Variants in ERCC2 observed in about 807,000 individuals in gnomAD.
ERCC2 encodes the protein general transcription and DNA repair factor IIH helicase subunit XPD.
A neutral mutation model predicts 99.4 loss-of-function variants in ERCC2; 90 were observed. That is an observed-to-expected ratio of 0.91 (90% CI 0.76 to 1.08). The LOEUF is 1.08. Among genes scored for constraint, ERCC2 ranks in the 50% least tolerant of loss-of-function variants. The probability of loss-of-function intolerance (pLI) is 0.00; values close to 1 mark genes in which losing one functional copy is unlikely to be tolerated. For missense variants in ERCC2, 993 were observed against 1,038.1 expected (o/e 0.96, Z 0.60); for synonymous variants, 497 against 432.4 (o/e 1.15, Z -1.85).
At position 45,351,709 on chromosome 19, in the gene ERCC2, C is replaced by T; in HGVS notation, c.2203G>A (p.Gly735Ser). 1.2e-6 allele frequency: 2 copies of T among 1,613,794 alleles called. No homozygotes were observed. Among genetic ancestry groups the T allele is most frequent in the Non-Finnish European group, 1.7e-6 (2 of 1,179,962 alleles). The change falls in exon 23 of 23, where the codon GGC becomes AGC. Residue 735 changes from glycine to serine, a missense_variant. Around this residue, in one of 3 missense-constraint regions of ERCC2, gnomAD observed 909 missense variants for 930.8 expected, o/e 0.98. Coordinates refer to ENST00000391945, the MANE Select transcript of ERCC2 (RefSeq NM_000400.4). ...AQPFHREDQL[G>S]LSLLSLEQLE... ...TGCTCCAGGCTGAGCAGGGACAGGC[C>T]CAGCTGATCCTCCTGCAGAGAACAG...
In ERCC2 at chr19:45,369,163, C is replaced by A. The variant is rs1423669512; in HGVS notation, c.106-16G>T. 8 of 1,611,272 alleles carry A rather than the reference C, an allele frequency of 5.0e-6. No homozygotes were observed. The highest frequency in any genetic ancestry group is 1.3e-5 in the African/African-American group (1 of 74,888). ...CTCCATGACCCTGCATGTTGGGGAC[C>A]AGAGGGGCAACACACAGGGTCTCAG... On this transcript the variant is annotated splice_polypyrimidine_tract_variant and intron_variant, in intron 2 of 22. Coordinates refer to ENST00000391945, the MANE Select transcript of ERCC2 (RefSeq NM_000400.4).
chr19:45,359,052 T>C, intron 12 of ERCC2: 1 of 611,652 alleles, frequency 1.6e-6, no homozygotes, highest in Admixed American at 2.8e-5. Flanking sequence ...CGCAGTCCAG[T>C]AGGAGACAGA....
Position 45,350,123 on chromosome 19 carries a change from A to C in ERCC2, c.*1506T>G. On this transcript the variant is annotated 3_prime_UTR_variant, in exon 23 of 23. Transcript: ENST00000391945. Reference sequence around the variant, plus strand: ...GGCAGGGGAAGGATACGGCCAGGTCAGCACATTAGAAAGTGGGGCCAGACG... The same window carrying C: ...GGCAGGGGAAGGATACGGCCAGGTCCGCACATTAGAAAGTGGGGCCAGACG... The C allele has an allele frequency of 1.7e-6, 1 of 571,908 alleles. No individual in the cohort carries two copies. The highest frequency in any genetic ancestry group is 3.1e-5 in the Admixed American group (1 of 32,698). 35.4% of individuals were successfully genotyped at this position (571,908 alleles called of 1,614,324 possible).
chr19:45,354,842 CGGATCACAGCTGCAAG>C lies in ERCC2; in HGVS notation c.1544-7_1552del. ...CTCCAGCAGGAGGTTCCCATAGTTC[CGGATCACAGCTGCAAG>C]GGGTCAGAGGTTGGGCCCTCTCCTG... On this transcript the variant is annotated splice_acceptor_variant and splice_polypyrimidine_tract_variant and coding_sequence_variant and intron_variant, in exon 17 of 23. Coordinates refer to ENST00000391945, the MANE Select transcript of ERCC2 (RefSeq NM_000400.4). LOFTEE classifies it high-confidence loss of function. 6.2e-7 allele frequency: 1 copy of C among 1,614,040 alleles called. No individual in the cohort carries two copies. Among genetic ancestry groups the C allele is most frequent in the Non-Finnish European group, 8.5e-7 (1 of 1,179,938 alleles).
chr19:45,361,456 T>TA, intron 12 of ERCC2, 68 bp downstream of exon 12: 4 of 1,158,480 alleles, frequency 3.5e-6, no homozygotes, highest in Non-Finnish European at 5.2e-6. Context: ...AACAACCCTC[T>TA]AGACCCTGCT....
intron 12 of ERCC2, chr19:45,358,697 C>G: frequency 1.5e-6 from 1 of 669,450 alleles, no homozygotes; most frequent in East Asian, 2.7e-5. Flanking sequence ...AAAAGTCAGC[C>G]CCTCCGAGAG....
At chr19:45,359,048 C>T (rs1266551163) in intron 12 of ERCC2, 1 of 613,986 alleles carries the variant, frequency 1.6e-6, no homozygotes, top group Non-Finnish European at 2.9e-6. Flanking sequence ...GGTTCGCAGT[C>T]CAGTAGGAGA....
In ERCC2 at chr19:45,349,890, G is replaced by A. The variant is rs539991677; in HGVS notation, c.*1739C>T. On this transcript the variant is annotated 3_prime_UTR_variant, in exon 23 of 23. Coordinates refer to ENST00000391945, the MANE Select transcript of ERCC2 (RefSeq NM_000400.4). ...CTGTGGCCGGCTCCCCTCTTAGCCC[G>A]GTCCCCACATCGCTAGTTCTTATAG... 2.0e-4 allele frequency: 92 copies of A among 468,424 alleles called. No individual in the cohort carries two copies. The highest frequency in any genetic ancestry group is 5.6e-4 in the Middle Eastern group (1 of 1,776). 29.0% of individuals were successfully genotyped at this position (468,424 alleles called of 1,614,324 possible).
Position 45,353,112 on chromosome 19 carries a change from C to G in ERCC2, c.1802G>C (p.Arg601Pro). 6.2e-7 allele frequency: 1 copy of G among 1,613,408 alleles called. No homozygotes were observed. Among genetic ancestry groups the G allele is most frequent in the Non-Finnish European group, 8.5e-7 (1 of 1,179,828 alleles). The stretch of plus-strand genomic sequence containing the variant: ...GTCGATTCCCTCGGACACTTTGCCC[C>G]GGGCCACTGACAGCAGGATGGCCCC... ...GRGAILLSVARGKVSEGIDFV... is the reference protein window; with the variant it reads ...GRGAILLSVAPGKVSEGIDFV... Residue 601 changes from arginine (R) to proline (P), a missense_variant, in exon 19 of 23, where the codon CGG (arginine) becomes CCG (proline). This residue lies in a region of ERCC2 where 909 missense variants were observed against 930.8 expected (regional missense o/e 0.98). Transcript: ENST00000391945.
At chr19:45,354,078 G>A (rs1294331086) in intron 17 of ERCC2, among the ~76,000 whole-genome samples, 5 of 152,188 alleles carry the variant, frequency 3.3e-5, no homozygotes, top group African/African-American at 7.2e-5. Flanking sequence ...CCTCCCATGC[G>A]TGCCTTTCCA....
chr19:45,359,214 T>G, intron 12 of ERCC2, among the ~76,000 whole-genome samples: 2 of 150,750 alleles, frequency 1.3e-5, no homozygotes, highest in Admixed American at 6.6e-5. Flanking sequence ...GGGGAGGTGG[T>G]TGGGGGATGA....
At chr19:45,367,364 TATATACACACACACACACACACACACAC>T (rs1972460061) in intron 5 of ERCC2, among the ~76,000 whole-genome samples, 1 of 102,166 alleles carries the variant, frequency 9.8e-6, no homozygotes, top group African/African-American at 2.7e-5. Context: ...AATATATATA[TATATACACACACACACACACACACACAC>T]ACACACACAT....
rs753539310 is a variant in ERCC2, at chr19:45,369,007, C to T, written c.184-15G>A. ...AGCGGATATGCCTGCCGATAACAAG[C>T]GGACTCAGTCCCTGTCCCGCCCCTT... On this transcript the variant is annotated splice_polypyrimidine_tract_variant and intron_variant, in intron 3 of 22. Transcript: ENST00000391945. 3.0e-5 allele frequency: 48 copies of T among 1,614,044 alleles called. No individual in the cohort carries two copies. The South Asian group carries it at 3.4e-4, about 11-fold the overall frequency.
At chr19:45,364,754 C>A (rs1972365073) in intron 7 of ERCC2, 84 bp downstream of exon 7, 2 of 1,290,976 alleles carry the variant, frequency 1.5e-6, no homozygotes, top group South Asian at 2.4e-5. Flanking sequence ...CAGCAAGCAA[C>A]AGACAGACAT....
chr19:45,357,892 C>T (rs575598560), intron 12 of ERCC2, 193 bp from the exon 13 acceptor site: 90 of 634,970 alleles, frequency 1.4e-4, no homozygotes, highest in African/African-American at 8.6e-4. Context: ...CCAACCTGTC[C>T]GCTTCGGGCC....
rs759412116 is a variant in ERCC2, at chr19:45,352,210, C to G, written c.2189G>C (p.Arg730Pro). 30 of 1,613,510 alleles carry G rather than the reference C, an allele frequency of 1.9e-5. No homozygotes were observed. Among genetic ancestry groups the G allele is most frequent in the Non-Finnish European group, 2.5e-5 (29 of 1,179,934 alleles). ...FLRQMAQPFH[R>P]EDQLGLSLLS... ...CCGGGAGGGGGACGCAGGCCTCACC[C>G]GGTGGAAGGGCTGTGCCATCTGCCG... The change falls in exon 22 of 23, where the codon CGG (arginine) becomes CCG (proline). Residue 730 changes from arginine to proline, a missense_variant and splice_region_variant. Physicochemically the swap from Arg to Pro is moderately radical, Grantham distance 103. Coordinates refer to ENST00000391945, the MANE Select transcript of ERCC2 (RefSeq NM_000400.4).
At position 45,368,741 on chromosome 19, in the gene ERCC2, C is replaced by T; in HGVS notation, c.249G>A (p.Val83=). ...CSRTVPEIEK[V]IEELRKLLNF... ...TGAGCAACTTTCGAAGCTCTTCAAT[C>T]ACCTACTCCAAAGTTGGGGGGCAGG... is the stretch of plus-strand genomic sequence containing the variant. The change falls in exon 5 of 23, where the codon GTG becomes GTA. Residue 83 remains valine (V), a splice_region_variant and synonymous_variant. Transcript: ENST00000391945. 1.9e-6 allele frequency: 3 copies of T among 1,610,922 alleles called. No homozygotes were observed. The highest frequency in any genetic ancestry group is 2.5e-6 in the Non-Finnish European group (3 of 1,178,126).
intron 22 of ERCC2, 78 bp from the exon 23 acceptor site, chr19:45,351,799 C>A (rs1382771854): frequency 1.5e-6 from 2 of 1,308,842 alleles, no homozygotes; most frequent in South Asian, 1.2e-5. Flanking sequence ...CCCCAACCAC[C>A]CCCCCGAATG....
rs1971784381 is a variant in ERCC2 at position 45,351,660 on chromosome 19, TTCA to T, written c.2249_2251del (p.Leu750_Lys751delinsGln). On this transcript the variant is annotated inframe_deletion, in exon 23 of 23. Transcript: ENST00000391945. ...CTGCTGAGCAATCTGCTCTATCCTC[TTCA>T]GCGTCTCCTCTGATTCTAGCTGCTC... is the stretch of plus-strand genomic sequence containing the variant. 1 of 1,613,930 alleles carries T rather than the reference TTCA, an allele frequency of 6.2e-7. No individual in the cohort carries two copies. Among genetic ancestry groups the T allele is most frequent in the Non-Finnish European group, 8.5e-7 (1 of 1,179,994 alleles).
Sources: allele counts gnomAD v4.1 joint callset (sites outside exome capture counted in the v4.1 genomes callset), GRCh38; gene constraint gnomAD v4.1.1; regional missense constraint gnomAD v4.1.1; transcripts MANE v1.5; gene names NCBI Gene and HGNC (gene_info 2026-07-23, HGNC 2026-07-21).